KCNQ1: variants seen among roughly 807,000 people sequenced by gnomAD.
KCNQ1 encodes the protein potassium voltage-gated channel subfamily KQT member 1.
KCNQ1 carries 49 observed loss-of-function variants against 72.4 expected under a neutral mutation model. The ratio of observed to expected loss-of-function variants is 0.68; its 90% confidence interval spans 0.54 to 0.86. The LOEUF is 0.86. KCNQ1 is among the 40% of genes least tolerant of loss of function. The pLI, the probability that KCNQ1 is intolerant of heterozygous loss-of-function variation, is 0.00. For synonymous variants in KCNQ1, 450 were observed against 412.6 expected, an observed-to-expected ratio of 1.09 and a Z score of -1.10; for missense variants, 790 against 945.1, an observed-to-expected ratio of 0.84 and a Z score of 2.15.
chr11:2,651,786 G>C lies in KCNQ1; in HGVS notation c.1394-10175G>C. The C allele has an allele frequency of 2.5e-6, 1 of 398,436 alleles. No individual in the cohort carries two copies. Among genetic ancestry groups the C allele is most frequent in the Non-Finnish European group, 4.4e-6 (1 of 226,044 alleles). 24.7% of individuals were successfully genotyped at this position (398,436 alleles called of 1,614,324 possible). ...CAAGTGTTGACCATTTTGATTCCTG[G>C]GCCCCTTAAGAGTCCATTAGCATTG... On this transcript the variant is annotated intron_variant, in intron 10 of 15. Transcript: ENST00000155840. This position sits in a 1 kb window ranked among gnomAD's most constrained non-coding sequence, Gnocchi z 6.1.
At chr11:2,570,230 C>T (rs1428489476) in intron 2 of KCNQ1, among the ~76,000 whole-genome samples, 1 of 151,926 alleles carries the variant, frequency 6.6e-6, no homozygotes, top group African/African-American at 2.4e-5. Context: ...GCCCTCTGGC[C>T]CAAGCTGGAG....
At chr11:2,517,630 C>T (rs1847310098) in intron 1 of KCNQ1, among the ~76,000 whole-genome samples, 2 of 152,210 alleles carry the variant, frequency 1.3e-5, no homozygotes, top group African/African-American at 4.8e-5. Context: ...AGGATCCCCA[C>T]CTCCTGCACC....
chr11:2,747,746 G>A (rs1252324718), intron 11 of KCNQ1, among the ~76,000 whole-genome samples: 2 of 152,130 alleles, frequency 1.3e-5, no homozygotes, highest in Non-Finnish European at 1.5e-5. Flanking sequence ...GGGAAAGGGA[G>A]GACTGGTTGC....
rs1210654152 is a variant in KCNQ1 at position 2,482,090 on chromosome 11, A to C, written c.386+36606A>C. Among the ~76,000 whole-genome samples the C allele has an allele frequency of 6.6e-6, 1 of 152,048 alleles. No homozygotes were observed. Among genetic ancestry groups the C allele is most frequent in the African/African-American group, 2.4e-5 (1 of 41,374 alleles). The stretch of plus-strand genomic sequence containing the variant: ...TGAAACGGGAACGATGGGAGCCCTC[A>C]CCTCGTATGGTGGTTTGAGGATTGA... On this transcript the variant is annotated intron_variant, in intron 1 of 15. Coordinates refer to ENST00000155840, the MANE Select transcript of KCNQ1 (RefSeq NM_000218.3). This position sits in a 1 kb window ranked among gnomAD's most constrained non-coding sequence, Gnocchi z 5.7.
rs763320080 is a variant in KCNQ1, at chr11:2,631,632, T to A, written c.1394-30329T>A. 6.3e-5 allele frequency: 25 copies of A among 398,504 alleles called. No individual in the cohort carries two copies. In the East Asian group the frequency reaches 8.2e-4, roughly 13 times the overall value. The allele number at this position is 398,504 out of a possible 1,614,324, so 24.7% of individuals were successfully genotyped here. A position where few individuals can be genotyped will look rare whatever the true frequency, so the allele number is the denominator to read the frequency against. ...GTATTTCTCAGGTGGGTGCTATGTTTCCTTGGTTTTTCTGTTTCTTGTTAC... is the reference window on the plus strand; with the variant it reads ...GTATTTCTCAGGTGGGTGCTATGTTACCTTGGTTTTTCTGTTTCTTGTTAC... On this transcript the variant is annotated intron_variant, in intron 10 of 15. Coordinates refer to ENST00000155840, the MANE Select transcript of KCNQ1 (RefSeq NM_000218.3).
At chr11:2,521,431 A>C (rs1381033291) in intron 1 of KCNQ1, 15 of 454,616 alleles carry the variant, frequency 3.3e-5, no homozygotes, top group African/African-American at 3.0e-4. Flanking sequence ...TGATGCTTTC[A>C]GACTGACAAA....
intron 1 of KCNQ1, among the ~76,000 whole-genome samples, chr11:2,524,638 T>C (rs951204745): frequency 6.6e-6 from 1 of 151,992 alleles, no homozygotes; most frequent in South Asian, 2.1e-4. Context: ...GGGTGGTGGG[T>C]TTTGCCACAT....
intron 11 of KCNQ1, among the ~76,000 whole-genome samples, chr11:2,736,858 G>A (rs908064469): frequency 6.6e-6 from 1 of 152,188 alleles, no homozygotes; most frequent in African/African-American, 2.4e-5. Flanking sequence ...GATGCCCACG[G>A]CTCAGGGACC....
chr11:2,623,361 C>A lies in KCNQ1; in HGVS notation c.1393+34507C>A, dbSNP rs1003683492. On this transcript the variant is annotated intron_variant, in intron 10 of 15. Coordinates refer to ENST00000155840, the MANE Select transcript of KCNQ1 (RefSeq NM_000218.3). This position sits in a 1 kb window ranked among gnomAD's most constrained non-coding sequence, Gnocchi z 5.2. ...CTACCATTATAGTATCATACAGATACGTATATTTACATATATTTGTACATT... is the reference window on the plus strand; with the variant it reads ...CTACCATTATAGTATCATACAGATAAGTATATTTACATATATTTGTACATT... The A allele has an allele frequency of 2.5e-6, 1 of 398,556 alleles. No individual in the cohort carries two copies. The highest frequency in any genetic ancestry group is 3.6e-5 in the East Asian group (1 of 28,064). 24.7% of individuals were successfully genotyped at this position (398,556 alleles called of 1,614,324 possible).
rs560355025 is a variant in KCNQ1, at chr11:2,700,992, A to G, written c.1514+38911A>G. ...TTTGGCCCTTCCATGTGGACTGCAA[A>G]AACAGTGTTGGAATGCAGGACTCTG... On this transcript the variant is annotated intron_variant, in intron 11 of 15. Coordinates refer to ENST00000155840, the MANE Select transcript of KCNQ1 (RefSeq NM_000218.3). 2.1e-3 allele frequency among the ~76,000 whole-genome samples: 325 copies of G among 152,322 alleles called. 1 individual carries two copies. Among genetic ancestry groups the G allele is most frequent in the African/African-American group, 6.9e-3 (286 of 41,584 alleles).
chr11:2,633,152 T>G, intron 10 of KCNQ1: 1 of 398,558 alleles, frequency 2.5e-6, no homozygotes, highest in Non-Finnish European at 4.4e-6. Context: ...TGACTTGCAT[T>G]TCTGTGATGA....
Position 2,661,900 on chromosome 11 carries a change from T to C in KCNQ1, c.1394-61T>C. 1 of 1,611,258 alleles carries C rather than the reference T, an allele frequency of 6.2e-7. No individual in the cohort carries two copies. Among genetic ancestry groups the C allele is most frequent in the Middle Eastern group, 1.7e-4 (1 of 6,058 alleles). On this transcript the variant is annotated intron_variant, in intron 10 of 15. Coordinates refer to ENST00000155840, the MANE Select transcript of KCNQ1 (RefSeq NM_000218.3). The surrounding 1 kb of genome is among the most constrained non-coding windows in gnomAD (Gnocchi z 5.9). The stretch of plus-strand genomic sequence containing the variant: ...GGCCCTGGGAGCTCACAGGCCTGGC[T>C]CCACAGCACTGGCAGGTTGGGTGGG...
chr11:2,700,764 C>A (rs1238141626), intron 11 of KCNQ1, among the ~76,000 whole-genome samples: 1 of 152,144 alleles, frequency 6.6e-6, no homozygotes, highest in Non-Finnish European at 1.5e-5. Flanking sequence ...GCCGGGCCCG[C>A]CCTGCCCACC....
chr11:2,521,821 CG>C (rs1564805291), intron 1 of KCNQ1, among the ~76,000 whole-genome samples: 1 of 152,240 alleles, frequency 6.6e-6, no homozygotes, highest in Non-Finnish European at 1.5e-5. Flanking sequence ...ATTTGCTTGG[CG>C]GGTCACCTGG....
chr11:2,627,473 C>T lies in KCNQ1; in HGVS notation c.1394-34488C>T. 2.5e-6 allele frequency: 1 copy of T among 398,514 alleles called. No homozygotes were observed. Among genetic ancestry groups the T allele is most frequent in the Non-Finnish European group, 4.4e-6 (1 of 226,044 alleles). 24.7% of individuals were successfully genotyped at this position (398,514 alleles called of 1,614,324 possible). A position where few individuals can be genotyped will look rare whatever the true frequency, so the allele number is the denominator to read the frequency against. On this transcript the variant is annotated intron_variant, in intron 10 of 15. Transcript: ENST00000155840. The surrounding 1 kb of genome is among the most constrained non-coding windows in gnomAD (Gnocchi z 4.9). Reference sequence around the variant, plus strand: ...TCCTATTTCCCCTACTCCCTGACCCCTAGTAACCACCCTTCTACTCTCCGT... The same window carrying T: ...TCCTATTTCCCCTACTCCCTGACCCTTAGTAACCACCCTTCTACTCTCCGT...
rs1435226845 is a variant in KCNQ1, at chr11:2,475,809, C to T, written c.386+30325C>T. 6.6e-6 allele frequency among the ~76,000 whole-genome samples: 1 copy of T among 152,162 alleles called. No homozygotes were observed. The highest frequency in any genetic ancestry group is 1.5e-5 in the Non-Finnish European group (1 of 68,034). ...TCTGATGGTTTTAAAAAGAGGCATT[C>T]CGCTACACAAGCTCTCTCATGTTTT... On this transcript the variant is annotated intron_variant, in intron 1 of 15. Coordinates refer to ENST00000155840, the MANE Select transcript of KCNQ1 (RefSeq NM_000218.3). This position sits in a 1 kb window ranked among gnomAD's most constrained non-coding sequence, Gnocchi z 5.8.
chr11:2,671,225 G>A lies in KCNQ1; in HGVS notation c.1514+9144G>A, dbSNP rs780143283. 1.8e-5 allele frequency: 7 copies of A among 398,502 alleles called. No individual in the cohort carries two copies. The allele number at this position is 398,502 out of a possible 1,614,324, so 24.7% of individuals were successfully genotyped here. ...AAGGTAGAGAGACAGAGGTAGACAG[G>A]AGTCCAGGTCTGACCTCAAAATCCG... On this transcript the variant is annotated intron_variant, in intron 11 of 15. Transcript: ENST00000155840. The surrounding 1 kb of genome is among the most constrained non-coding windows in gnomAD (Gnocchi z 4.7).
chr11:2,689,878 C>A (rs1229876881), intron 11 of KCNQ1: 9 of 398,692 alleles, frequency 2.3e-5, no homozygotes, highest in African/African-American at 4.1e-5. Context: ...CCTATCCAGC[C>A]CCATCCCTGG....
At chr11:2,839,886 A>G (rs1028101311) in intron 15 of KCNQ1, 1 of 152,192 alleles carries the variant, frequency 6.6e-6, no homozygotes, top group Non-Finnish European at 1.5e-5. Flanking sequence ...TTTCACCTCC[A>G]GACAGCAGGG....
Sources: gnomAD v4.1 joint callset for allele counts (sites outside exome capture counted in the v4.1 genomes callset) on GRCh38, gnomAD v4.1.1 for gene constraint, Gnocchi (gnomAD v3.1) non-coding constraint, MANE v1.5 for transcripts, NCBI Gene and HGNC (gene_info 2026-07-23, HGNC 2026-07-21) for gene names.